Variants in SLC66A1 observed in about 807,000 individuals in gnomAD.
SLC66A1 encodes lysosomal amino acid transporter 1 homolog.
A neutral mutation model predicts 33.0 loss-of-function variants in SLC66A1; 23 were observed. That is an observed-to-expected ratio of 0.70 (90% confidence interval 0.50 to 0.99). The LOEUF (loss-of-function observed/expected upper bound fraction) is 0.99, where lower values mean the gene tolerates loss of function less well. SLC66A1 is among the 50% of genes least tolerant of loss of function. SLC66A1 has a pLI of 0.00. For missense variants in SLC66A1, 335 were observed against 383.6 expected (o/e 0.87, Z 1.06); for synonymous variants, 164 against 175.5 (o/e 0.93, Z 0.52).
chr1:19,313,779 C>A (rs189712166), intron 1 of SLC66A1, among the ~76,000 whole-genome samples: 1 of 152,314 alleles, frequency 6.6e-6, no homozygotes, highest in Admixed American at 6.5e-5. Context: ...ATTTGGACTT[C>A]ATCCTGTAGA....
chr1:19,327,206 C>A, intron 6 of SLC66A1, 21 bp from the exon 7 acceptor site: 2 of 1,601,696 alleles, frequency 1.2e-6, no homozygotes, highest in Non-Finnish European at 1.7e-6. Context: ...AGGTCTCTGA[C>A]CTGACCTCCT....
rs954283970 is a variant in SLC66A1 at position 19,317,751 on chromosome 1, T to C, written c.74T>C (p.Val25Ala). ...PSGSIQWIWD[V>A]LGECAQDGWD... ...GGCTCCATCCAGTGGATATGGGATG[T>C]GTTGGGTGAATGTGCCCAGGACGGC... Residue 25 changes from valine (V) to alanine (A), a missense_variant, in exon 2 of 8, where the codon GTG becomes GCG. By Grantham distance (64) the Val-to-Ala change is moderately conservative. Transcript: ENST00000375153. 2 of 1,614,018 alleles carry C rather than the reference T, an allele frequency of 1.2e-6. No homozygotes were observed. The highest frequency in any genetic ancestry group is 1.7e-6 in the Non-Finnish European group (2 of 1,180,020).
chr1:19,315,769 C>CTGCT (rs1428094731), intron 1 of SLC66A1, among the ~76,000 whole-genome samples: 1 of 152,218 alleles, frequency 6.6e-6, no homozygotes, highest in East Asian at 1.9e-4. Context: ...CAGAAGTCTT[C>CTGCT]TGCTTCGCTG....
At chr1:19,331,711 C>T (rs1434049388), downstream of SLC66A1, among the ~76,000 whole-genome samples, 1 of 152,206 alleles carries the variant, frequency 6.6e-6, no homozygotes, top group African/African-American at 2.4e-5. Context: ...GGCTCCACAC[C>T]AGTTACCTGG....
At chr1:19,330,283 G>A (rs2093888829), downstream of SLC66A1, among the ~76,000 whole-genome samples, 1 of 152,162 alleles carries the variant, frequency 6.6e-6, no homozygotes, top group Non-Finnish European at 1.5e-5. Flanking sequence ...TGGGGTATCT[G>A]GTGGGGTAGT....
At position 19,327,382 on chromosome 1, in the gene SLC66A1, C is replaced by A; in HGVS notation, c.774C>A (p.Gly258=). The part of the protein sequence containing the change: ...YLLHHLPWLV[G]SLGVLLLDTI... The stretch of plus-strand genomic sequence containing the variant: ...TGCACCACCTGCCCTGGCTTGTGGG[C>A]AGCCTGGGCGTGCTGCTGCTCGACA... Residue 258 remains glycine (G), a synonymous_variant, in exon 7 of 8, where the codon GGC becomes GGA. Transcript: ENST00000375153. The A allele has an allele frequency of 6.2e-7, 1 of 1,601,902 alleles. No individual in the cohort carries two copies. The highest frequency in any genetic ancestry group is 1.1e-5 in the South Asian group (1 of 89,164).
intron 2 of SLC66A1, among the ~76,000 whole-genome samples, chr1:19,318,594 A>G (rs2093817889): frequency 6.6e-6 from 1 of 152,284 alleles, no homozygotes; most frequent in South Asian, 2.1e-4. Context: ...ATTTCATTAC[A>G]TGAAGCACAG....
At chr1:19,318,361 G>A (rs2064378) in intron 2 of SLC66A1, among the ~76,000 whole-genome samples, 41,752 of 152,106 alleles carry the variant, frequency 0.27, 5,821 homozygotes, top group Middle Eastern at 0.35. Flanking sequence ...GCCATGATCA[G>A]GGAGTGAGGA....
chr1:19,320,628 G>A (rs1459272481), intron 2 of SLC66A1, among the ~76,000 whole-genome samples: 13 of 151,770 alleles, frequency 8.6e-5, no homozygotes, highest in Admixed American at 2.6e-4. Flanking sequence ...TGTTAGCCAG[G>A]ATGGTCTCGA....
chr1:19,318,402 C>T (rs1168821370), intron 2 of SLC66A1, among the ~76,000 whole-genome samples: 1 of 152,146 alleles, frequency 6.6e-6, no homozygotes, highest in South Asian at 2.1e-4. Context: ...AGCATCTTGA[C>T]CTGGGCGTGT....
intron 6 of SLC66A1, 29 bp from the exon 7 acceptor site, chr1:19,327,198 G>C (rs1177001187): frequency 6.3e-7 from 1 of 1,585,996 alleles, no homozygotes; most frequent in South Asian, 1.1e-5. Flanking sequence ...CCTGTTCGAG[G>C]TCTCTGACCT....
Position 19,324,624 on chromosome 1 carries a change from C to G in SLC66A1, c.165-9C>G. On this transcript the variant is annotated splice_polypyrimidine_tract_variant and intron_variant, in intron 2 of 7. Transcript: ENST00000375153. ...TGAGCATGCATCCCTTCCTCTTCCT[C>G]TTCCACAGCCAGTTCATCAAAGCCT... is the stretch of plus-strand genomic sequence containing the variant. The G allele has an allele frequency of 6.2e-7, 1 of 1,614,132 alleles. No individual in the cohort carries two copies. Among genetic ancestry groups the G allele is most frequent in the Non-Finnish European group, 8.5e-7 (1 of 1,179,962 alleles).
At chr1:19,314,023 A>G (rs1270044124) in intron 1 of SLC66A1, among the ~76,000 whole-genome samples, 1 of 152,244 alleles carries the variant, frequency 6.6e-6, no homozygotes, top group African/African-American at 2.4e-5. Context: ...GGGTGATTCC[A>G]GGGTACCGCT....
At chr1:19,324,112 T>A (rs1012178878) in intron 2 of SLC66A1, among the ~76,000 whole-genome samples, 1 of 152,212 alleles carries the variant, frequency 6.6e-6, no homozygotes, top group Non-Finnish European at 1.5e-5. Context: ...GCCCCGCCCT[T>A]CTCTGTTGCC....
chr1:19,330,904 T>G (rs1291051122), downstream of SLC66A1, among the ~76,000 whole-genome samples: 3 of 152,216 alleles, frequency 2.0e-5, no homozygotes, highest in African/African-American at 7.2e-5. Context: ...GAGCCCAGGA[T>G]GCCATCTGGC....
At chr1:19,322,116 G>A (rs1340134418) in intron 2 of SLC66A1, among the ~76,000 whole-genome samples, 1 of 152,024 alleles carries the variant, frequency 6.6e-6, no homozygotes, top group Non-Finnish European at 1.5e-5. Context: ...TGGAGGCAGG[G>A]AGGCCACCTT....
intron 3 of SLC66A1, among the ~76,000 whole-genome samples, 194 bp downstream of exon 3, chr1:19,324,956 T>C (rs2093856025): frequency 6.6e-6 from 1 of 152,220 alleles, no homozygotes; most frequent in African/African-American, 2.4e-5. Flanking sequence ...TCTCTGGGCC[T>C]CAGTTTCCCC....
At position 19,316,353 on chromosome 1, in the gene SLC66A1, T is replaced by TG. The variant is rs2093805482; in HGVS notation, c.-78-1247_-78-1246insG. On this transcript the variant is annotated intron_variant, in intron 1 of 7. Transcript: ENST00000375153. ...TCTGTGTGGGGCAACTCTTTATGGT[T>TG]TGTGTGTGTGTGTGTGTGTGTGTGT... is the stretch of plus-strand genomic sequence containing the variant. Among the ~76,000 whole-genome samples the TG allele has an allele frequency of 4.4e-4, 64 of 144,918 alleles. No individual in the cohort carries two copies. The South Asian group carries it at 4.7e-3, about 11-fold the overall frequency.
At chr1:19,331,400 C>T (rs867917530), downstream of SLC66A1, among the ~76,000 whole-genome samples, 3 of 152,162 alleles carry the variant, frequency 2.0e-5, no homozygotes, top group South Asian at 2.1e-4. Context: ...AGCAGCAACA[C>T]GAGACCCTCC....
Sources: gnomAD v4.1 joint callset for allele counts (sites outside exome capture counted in the v4.1 genomes callset) on GRCh38, gnomAD v4.1.1 for gene constraint, MANE v1.5 for transcripts, NCBI Gene and HGNC (gene_info 2026-07-23, HGNC 2026-07-21) for gene names.